ZNF609: variants seen among roughly 807,000 people sequenced by gnomAD.
ZNF609 encodes the protein zinc finger protein 609.
ZNF609 carries 11 observed loss-of-function variants against 109.5 expected under a neutral mutation model. The observed-to-expected ratio is 0.10, with a 90% CI of 0.06 to 0.17. The LOEUF (loss-of-function observed/expected upper bound fraction) is 0.17, where lower values mean the gene tolerates loss of function less well. Among genes scored for constraint, ZNF609 ranks in the 10% least tolerant of loss-of-function variants. The probability of loss-of-function intolerance (pLI) is 1.00; values close to 1 mark genes in which losing one functional copy is unlikely to be tolerated. For missense variants in ZNF609, 1,559 were observed against 1,772.4 expected (o/e 0.88, Z 2.16); for synonymous variants, 646 against 662.0 (o/e 0.98, Z 0.37).
intron 2 of ZNF609, among the ~76,000 whole-genome samples, chr15:64,504,295 A>G (rs1333042392): frequency 6.6e-6 from 1 of 152,188 alleles, no homozygotes; most frequent in Non-Finnish European, 1.5e-5. Flanking sequence ...TCCTCATTTT[A>G]TAGAAGAAAC....
In ZNF609 at chr15:64,574,489, T is replaced by G. The variant is rs895299160; in HGVS notation, c.748-48338T>G. On this transcript the variant is annotated intron_variant, in intron 2 of 9. Transcript: ENST00000326648. ...TAGCTGAATCACTCACTTGATCTGT[T>G]GTCTTTCACTCTTTCTTCCCTTTGT... Among the ~76,000 whole-genome samples, 42 of 152,192 alleles carry G rather than the reference T, an allele frequency of 2.8e-4. 1 individual carries two copies.
chr15:64,521,599 T>G (rs561783743), intron 2 of ZNF609, among the ~76,000 whole-genome samples: 1 of 152,316 alleles, frequency 6.6e-6, no homozygotes, highest in African/African-American at 2.4e-5. Flanking sequence ...AAGACGACAG[T>G]CAGGAGGAAT....
intron 3 of ZNF609, among the ~76,000 whole-genome samples, chr15:64,665,042 G>C (rs1321820369): frequency 6.6e-6 from 1 of 152,178 alleles, no homozygotes; most frequent in Non-Finnish European, 1.5e-5. Context: ...ATCAGAGCAG[G>C]CCACCTTTTG....
chr15:64,613,790 C>T (rs1308019071), intron 2 of ZNF609, among the ~76,000 whole-genome samples: 1 of 152,076 alleles, frequency 6.6e-6, no homozygotes, highest in African/African-American at 2.4e-5. Flanking sequence ...CCTCGTGATC[C>T]TCCCACCTTG....
At chr15:64,678,885 G>A (rs570063979) in intron 6 of ZNF609, among the ~76,000 whole-genome samples, 25 of 152,270 alleles carry the variant, frequency 1.6e-4, no homozygotes, top group African/African-American at 5.8e-4. Flanking sequence ...CACTCCCGGA[G>A]CTTACAGCTT....
intron 2 of ZNF609, among the ~76,000 whole-genome samples, chr15:64,583,172 A>G (rs922736040): frequency 2.0e-5 from 3 of 151,558 alleles, no homozygotes; most frequent in African/African-American, 7.3e-5. Flanking sequence ...AGCTGGGATT[A>G]CAGGCACCCG....
intron 2 of ZNF609, among the ~76,000 whole-genome samples, chr15:64,599,123 G>C (rs762971057): frequency 3.6e-5 from 5 of 140,248 alleles, no homozygotes; most frequent in African/African-American, 5.3e-5. Flanking sequence ...CTTTCCTGTA[G>C]TGCTGGCAAC....
At chr15:64,467,922 T>C (rs1426311397) in intron 1 of ZNF609, among the ~76,000 whole-genome samples, 1 of 152,184 alleles carries the variant, frequency 6.6e-6, no homozygotes, top group East Asian at 1.9e-4. Flanking sequence ...CTAACACTTC[T>C]CTTTATGTGG....
At position 64,484,531 on chromosome 15, in the gene ZNF609, C is replaced by G. The variant is rs1893303381; in HGVS notation, c.-127-14762C>G. ...TCTCTACTAAAAATACAAAAATTAG[C>G]TGGGCGTGGTGGCGCGTGCCTGTAA... On this transcript the variant is annotated intron_variant, in intron 1 of 9. Coordinates refer to ENST00000326648, the MANE Select transcript of ZNF609 (RefSeq NM_015042.2). 4.0e-5 allele frequency among the ~76,000 whole-genome samples: 6 copies of G among 151,642 alleles called. No homozygotes were observed. The South Asian group carries it at 1.2e-3, about 32-fold the overall frequency.
In ZNF609 at chr15:64,678,332, C is replaced by T. The variant is rs910808816; in HGVS notation, c.3619C>T (p.Arg1207Trp). 22 of 1,614,102 alleles carry T rather than the reference C, an allele frequency of 1.4e-5. No individual in the cohort carries two copies. The highest frequency in any genetic ancestry group is 2.2e-5 in the East Asian group (1 of 44,890). The change falls in exon 6 of 10, where the codon CGG becomes TGG. Residue 1207 changes from arginine (R) to tryptophan (W), a missense_variant. Transcript: ENST00000326648. ...EESRLGSKEP[R>W]PSVHVPVSSP... ...GTCTCGCCTTGGGAGCAAGGAGCCC[C>T]GGCCAAGTGTCCATGTGCCTGTGTC...
At chr15:64,602,528 T>C (rs959894791) in intron 2 of ZNF609, among the ~76,000 whole-genome samples, 1 of 152,114 alleles carries the variant, frequency 6.6e-6, no homozygotes, top group Non-Finnish European at 1.5e-5. Context: ...TTTATCGTTA[T>C]GATGATTATT....
At chr15:64,488,659 G>A (rs545071106) in intron 1 of ZNF609, among the ~76,000 whole-genome samples, 2 of 152,120 alleles carry the variant, frequency 1.3e-5, no homozygotes, top group South Asian at 4.1e-4. Flanking sequence ...TTTACTCTAG[G>A]GCTTCTTGTA....
intron 2 of ZNF609, among the ~76,000 whole-genome samples, chr15:64,600,323 A>G (rs953529056): frequency 6.6e-6 from 1 of 151,584 alleles, no homozygotes; most frequent in African/African-American, 2.4e-5. Flanking sequence ...GGTGGCGGGC[A>G]CCTGTAGTCC....
At chr15:64,667,384 C>G (rs1033849215) in intron 3 of ZNF609, among the ~76,000 whole-genome samples, 1 of 152,098 alleles carries the variant, frequency 6.6e-6, no homozygotes, top group African/African-American at 2.4e-5. Context: ...CCAGATCCCC[C>G]AGATTTATTG....
chr15:64,633,523 T>C (rs1221742664), intron 3 of ZNF609, among the ~76,000 whole-genome samples: 1 of 152,074 alleles, frequency 6.6e-6, no homozygotes, highest in Non-Finnish European at 1.5e-5. Flanking sequence ...CAAGCAATCC[T>C]CCTGCCTCGG....
At chr15:64,525,319 A>C (rs1229657796) in intron 2 of ZNF609, among the ~76,000 whole-genome samples, 1 of 152,176 alleles carries the variant, frequency 6.6e-6, no homozygotes, top group Non-Finnish European at 1.5e-5. Flanking sequence ...TCCTAGCACC[A>C]ATCGTTGAAA....
At chr15:64,480,391 C>T (rs925879457) in intron 1 of ZNF609, among the ~76,000 whole-genome samples, 6 of 151,898 alleles carry the variant, frequency 4.0e-5, no homozygotes, top group African/African-American at 1.2e-4. Context: ...ATTAGCTGGG[C>T]GTAGTGGCGG....
At position 64,658,562 on chromosome 15, in the gene ZNF609, A is replaced by T. The variant is rs188334556; in HGVS notation, c.974-11784A>T. Among the ~76,000 whole-genome samples, 57 of 149,976 alleles carry T rather than the reference A, an allele frequency of 3.8e-4. No homozygotes were observed. In the East Asian group the frequency reaches 9.7e-3, roughly 25 times the overall value. ...ACTTATAATCCCAGCACTTTGAAAG[A>T]TATACACACACACACACACACATTA... On this transcript the variant is annotated intron_variant, in intron 3 of 9. Transcript: ENST00000326648.
In ZNF609 at chr15:64,576,982, G is replaced by GTATATACACATAAATATATA. The variant is rs1257610288; in HGVS notation, c.748-45842_748-45841insATACACATAAATATATATAT. Among the ~76,000 whole-genome samples, 2 of 122,462 alleles carry GTATATACACATAAATATATA rather than the reference G, an allele frequency of 1.6e-5. 1 individual carries two copies. Among genetic ancestry groups the GTATATACACATAAATATATA allele is most frequent in the African/African-American group, 6.3e-5 (2 of 31,696 alleles). The allele number at this position is 122,462 out of a possible 152,430, so 80.3% of individuals were successfully genotyped here. A position where few individuals can be genotyped will look rare whatever the true frequency, so the allele number is the denominator to read the frequency against. On this transcript the variant is annotated intron_variant, in intron 2 of 9. Coordinates refer to ENST00000326648, the MANE Select transcript of ZNF609 (RefSeq NM_015042.2). ...TATATATACACATAAATATATATAT[G>GTATATACACATAAATATATA]TATGTATACACATAAATATATATAT...
Sources: gnomAD v4.1 joint callset for allele counts (sites outside exome capture counted in the v4.1 genomes callset) on GRCh38, gnomAD v4.1.1 for gene constraint, MANE v1.5 for transcripts, NCBI Gene and HGNC (gene_info 2026-07-23, HGNC 2026-07-21) for gene names.